TANC2: variants seen among roughly 807,000 people sequenced by gnomAD.
The protein encoded by TANC2 is protein TANC2.
A neutral mutation model predicts 210.5 loss-of-function variants in TANC2; 26 were observed. That is an observed-to-expected ratio of 0.12 (90% CI 0.09 to 0.17). The LOEUF (loss-of-function observed/expected upper bound fraction) is 0.17, where lower values mean the gene tolerates loss of function less well. Ranked by LOEUF, TANC2 falls within the 10% of genes least tolerant of loss-of-function variation. The pLI, the probability that TANC2 is intolerant of heterozygous loss-of-function variation, is 1.00. For missense variants in TANC2, 2,129 were observed against 2,608.9 expected (o/e 0.82, Z 4.01); for synonymous variants, 931 against 967.1 (o/e 0.96, Z 0.69).
chr17:62,997,194 G>C (rs926670960), intron 1 of TANC2, among the ~76,000 whole-genome samples: 1 of 150,584 alleles, frequency 6.6e-6, no homozygotes, highest in East Asian at 1.9e-4. Flanking sequence ...GGCGTGCAGT[G>C]GTGTGATCAT....
At chr17:63,014,812 T>G (rs544171790) in intron 2 of TANC2, among the ~76,000 whole-genome samples, 1 of 152,190 alleles carries the variant, frequency 6.6e-6, no homozygotes, top group South Asian at 2.1e-4. Context: ...TTTTTAGGAG[T>G]CTGATTCTAA....
chr17:63,193,932 G>A (rs2041261932), intron 5 of TANC2, 59 bp from the exon 6 acceptor site: 1 of 1,489,054 alleles, frequency 6.7e-7, no homozygotes, highest in Admixed American at 2.3e-5. Flanking sequence ...ACAAATAGTT[G>A]CAGAACTAGA....
chr17:63,284,759 G>GT (rs2044170814), intron 9 of TANC2, among the ~76,000 whole-genome samples: 1 of 151,794 alleles, frequency 6.6e-6, no homozygotes, highest in East Asian at 1.9e-4. Flanking sequence ...AGGTCAAATT[G>GT]TTTTTTTCAA....
chr17:63,083,121 G>C (rs2036839884), intron 3 of TANC2, among the ~76,000 whole-genome samples: 1 of 152,148 alleles, frequency 6.6e-6, no homozygotes, highest in Non-Finnish European at 1.5e-5. Flanking sequence ...CTGCCACAGG[G>C]AGGGCTTCAC....
chr17:63,116,930 A>G (rs556662338), intron 4 of TANC2: 2 of 152,314 alleles, frequency 1.3e-5, no homozygotes, highest in East Asian at 1.9e-4. Context: ...GGTGCCTACT[A>G]AGTAACTGTT....
chr17:63,347,170 G>A (rs1216730484), intron 12 of TANC2, among the ~76,000 whole-genome samples: 2 of 152,152 alleles, frequency 1.3e-5, no homozygotes, highest in Non-Finnish European at 2.9e-5. Flanking sequence ...CAGCCCAAGT[G>A]TCCATCAACA....
At chr17:63,110,047 A>G (rs1019424758) in intron 4 of TANC2, among the ~76,000 whole-genome samples, 2 of 151,738 alleles carry the variant, frequency 1.3e-5, no homozygotes, top group Admixed American at 6.5e-5. Flanking sequence ...TCTAGTAACC[A>G]TATGAAAATG....
chr17:63,092,337 G>C (rs2037229120), intron 3 of TANC2, among the ~76,000 whole-genome samples: 1 of 151,836 alleles, frequency 6.6e-6, no homozygotes, highest in South Asian at 2.1e-4. Flanking sequence ...GTCACCAGCA[G>C]TATATGAGAG....
intron 15 of TANC2, among the ~76,000 whole-genome samples, chr17:63,384,507 A>G (rs1281449277): frequency 6.6e-6 from 1 of 152,138 alleles, no homozygotes; most frequent in Non-Finnish European, 1.5e-5. Context: ...TCACCAAAAT[A>G]TAGGTGACTC....
intron 1 of TANC2, among the ~76,000 whole-genome samples, chr17:62,991,018 G>A (rs1392996314): frequency 2.0e-5 from 3 of 152,038 alleles, no homozygotes; most frequent in Admixed American, 6.6e-5. Context: ...TGACATATTT[G>A]GTATATCACT....
At chr17:63,118,268 AAC>A (rs2038327859) in intron 4 of TANC2, among the ~76,000 whole-genome samples, 1 of 152,168 alleles carries the variant, frequency 6.6e-6, no homozygotes, top group Non-Finnish European at 1.5e-5. Context: ...TTTTTTTAAC[AAC>A]ACAATTTGCA....
At chr17:63,029,452 T>A (rs1387387416) in intron 2 of TANC2, among the ~76,000 whole-genome samples, 1 of 11,088 alleles carries the variant, frequency 9.0e-5, no homozygotes, top group African/African-American at 2.4e-4. Flanking sequence ...GAGAAAGTCA[T>A]AATTATTCTG....
intron 2 of TANC2, among the ~76,000 whole-genome samples, chr17:63,071,996 G>A (rs1462100870): frequency 6.6e-6 from 1 of 152,140 alleles, no homozygotes; most frequent in Non-Finnish European, 1.5e-5. Flanking sequence ...AGTGTTCTCA[G>A]CTGTGAAATA....
At chr17:63,059,219 G>A (rs1323706488) in intron 2 of TANC2, among the ~76,000 whole-genome samples, 1 of 152,094 alleles carries the variant, frequency 6.6e-6, no homozygotes, top group Non-Finnish European at 1.5e-5. Flanking sequence ...TGTGTACTCA[G>A]ACACAACTTA....
chr17:63,001,127 A>G (rs531185414), intron 1 of TANC2, among the ~76,000 whole-genome samples: 2 of 152,302 alleles, frequency 1.3e-5, no homozygotes, highest in South Asian at 4.1e-4. Flanking sequence ...TGTTTTTATG[A>G]TAATGATAAT....
intron 25 of TANC2, among the ~76,000 whole-genome samples, chr17:63,415,183 A>T (rs191832688): frequency 6.6e-6 from 1 of 152,344 alleles, no homozygotes; most frequent in Admixed American, 6.5e-5. Context: ...TTAGGAAGTC[A>T]TATGTGTTAT....
intron 19 of TANC2, among the ~76,000 whole-genome samples, chr17:63,403,338 G>T (rs756756447): frequency 5.9e-5 from 9 of 152,060 alleles, no homozygotes; most frequent in Non-Finnish European, 1.3e-4. Context: ...CTTTAAACGA[G>T]TTTAGAATGT....
intron 1 of TANC2, among the ~76,000 whole-genome samples, chr17:62,993,221 C>T (rs1473095165): frequency 6.6e-6 from 1 of 152,174 alleles, no homozygotes; most frequent in Non-Finnish European, 1.5e-5. Flanking sequence ...TTCACAAATT[C>T]CAGAAGTTAG....
At chr17:63,115,228 A>G (rs752354865) in intron 4 of TANC2, among the ~76,000 whole-genome samples, 1 of 152,234 alleles carries the variant, frequency 6.6e-6, no homozygotes, top group Non-Finnish European at 1.5e-5. Context: ...TTATCCAGGA[A>G]ACAGAATGAG....
Sources: gnomAD v4.1 joint callset for allele counts (sites outside exome capture counted in the v4.1 genomes callset) on GRCh38, gnomAD v4.1.1 for gene constraint, MANE v1.5 for transcripts, NCBI Gene and HGNC (gene_info 2026-07-23, HGNC 2026-07-21) for gene names.